A1CF: variants seen among roughly 807,000 people sequenced by gnomAD.
A1CF encodes the protein APOBEC-1 stimulating protein.
In A1CF, 48 loss-of-function variants were observed where a neutral mutation model predicts 68.9. The observed-to-expected ratio is 0.70, with a 90% CI of 0.55 to 0.89. The LOEUF is 0.89. Ranked by LOEUF, A1CF falls within the 40% of genes least tolerant of loss-of-function variation. The probability of loss-of-function intolerance (pLI) is 0.00; values close to 1 mark genes in which losing one functional copy is unlikely to be tolerated. For synonymous variants in A1CF, 272 were observed against 260.4 expected (o/e 1.04, Z -0.43); for missense variants, 653 against 718.9 (o/e 0.91, Z 1.05).
At chr10:50,879,532 C>T (rs993152209) in intron 1 of A1CF, among the ~76,000 whole-genome samples, 1 of 152,044 alleles carries the variant, frequency 6.6e-6, no homozygotes, top group African/African-American at 2.4e-5. Flanking sequence ...CTGGGGAGGC[C>T]TCAGGAAACT....
intron 12 of A1CF, among the ~76,000 whole-genome samples, chr10:50,808,097 G>A (rs955479661): frequency 6.6e-6 from 1 of 152,326 alleles, no homozygotes; most frequent in Middle Eastern, 3.4e-3. Context: ...CTGTGTGAGT[G>A]TGTGCACACA....
At chr10:50,832,058 A>G (rs1454495593) in intron 6 of A1CF, among the ~76,000 whole-genome samples, 1 of 152,204 alleles carries the variant, frequency 6.6e-6, no homozygotes. Context: ...CAATCACCAT[A>G]CTGGGTATGT....
At chr10:50,842,021 A>G in intron 4 of A1CF, 29 bp from the exon 5 acceptor site, 1 of 1,579,668 alleles carries the variant, frequency 6.3e-7, no homozygotes, top group Non-Finnish European at 8.7e-7. Flanking sequence ...GAACATTTAT[A>G]TTTATACGTT....
intron 4 of A1CF, among the ~76,000 whole-genome samples, chr10:50,842,660 C>T (rs529220843): frequency 4.8e-4 from 73 of 152,284 alleles, no homozygotes; most frequent in Non-Finnish European, 9.0e-4. Flanking sequence ...CTAAATTGTC[C>T]TCTGAAATCT....
chr10:50,827,850 C>T (rs377584323), intron 7 of A1CF, among the ~76,000 whole-genome samples: 5 of 151,874 alleles, frequency 3.3e-5, no homozygotes, highest in African/African-American at 9.7e-5. Flanking sequence ...AATCCAGGAG[C>T]TGTTTTTTTT....
At chr10:50,856,422 T>G (rs1197475664) in intron 3 of A1CF, among the ~76,000 whole-genome samples, 1 of 152,108 alleles carries the variant, frequency 6.6e-6, no homozygotes, top group Non-Finnish European at 1.5e-5. Flanking sequence ...TTTGGAACAT[T>G]AAGCTTCTAC....
At chr10:50,884,474 A>G (rs1399134586) in intron 1 of A1CF, among the ~76,000 whole-genome samples, 1 of 152,220 alleles carries the variant, frequency 6.6e-6, no homozygotes, top group East Asian at 1.9e-4. Flanking sequence ...TTTGACAAAT[A>G]AGTGATATCA....
At chr10:50,815,981 T>C in intron 9 of A1CF, 25 bp downstream of exon 9, 2 of 1,609,854 alleles carry the variant, frequency 1.2e-6, no homozygotes, top group Non-Finnish European at 1.7e-6. Context: ...GGGATTACTC[T>C]AAAGCAAGAT....
At chr10:50,833,718 G>T (rs1322510767) in intron 6 of A1CF, among the ~76,000 whole-genome samples, 2 of 152,188 alleles carry the variant, frequency 1.3e-5, no homozygotes, top group African/African-American at 4.8e-5. Context: ...CTGCAATGGG[G>T]TAACAGGTAG....
intron 1 of A1CF, among the ~76,000 whole-genome samples, chr10:50,880,198 G>A (rs1841705778): frequency 6.6e-6 from 1 of 152,166 alleles, no homozygotes; most frequent in Non-Finnish European, 1.5e-5. Flanking sequence ...GCTTCCCAGT[G>A]TTCCATTTGT....
At chr10:50,864,721 C>T (rs997823728) in intron 1 of A1CF, among the ~76,000 whole-genome samples, 60 of 152,172 alleles carry the variant, frequency 3.9e-4, no homozygotes, top group Admixed American at 1.1e-3. Flanking sequence ...CAGGTTCAAG[C>T]GATTCTCCTG....
In A1CF at chr10:50,813,956, G is replaced by T; in HGVS notation, c.1224C>A (p.Asp408Glu). 6.2e-7 allele frequency: 1 copy of T among 1,613,872 alleles called. No homozygotes were observed. Among genetic ancestry groups the T allele is most frequent in the Non-Finnish European group, 8.5e-7 (1 of 1,179,868 alleles). Reference protein sequence around the residue: ...GLGRGYQVKGDKREDKLYDIL... With the variant: ...GLGRGYQVKGEKREDKLYDIL... The stretch of plus-strand genomic sequence containing the variant: ...TGTCATAGAGTTTGTCTTCTCTTTT[G>T]TCTCCTTTGACCTGGTATCCTCGAC... Residue 408 changes from aspartate to glutamate, a missense_variant, in exon 10 of 13, where the codon GAC (aspartate) becomes GAA (glutamate). Physicochemically the swap from Asp to Glu is conservative, Grantham distance 45. Coordinates refer to ENST00000373997, the MANE Select transcript of A1CF (RefSeq NM_014576.4).
intron 3 of A1CF, among the ~76,000 whole-genome samples, chr10:50,859,582 C>T (rs550025313): frequency 6.6e-5 from 10 of 152,258 alleles, no homozygotes; most frequent in South Asian, 2.1e-4. Context: ...TTCTAGCTGC[C>T]TTTTTGGGAT....
intron 3 of A1CF, among the ~76,000 whole-genome samples, chr10:50,857,563 T>C (rs1840542973): frequency 6.6e-6 from 1 of 152,106 alleles, no homozygotes; most frequent in Non-Finnish European, 1.5e-5. Context: ...GACTCTTAGT[T>C]CCCCCTAAGT....
intron 7 of A1CF, chr10:50,823,901 A>G (rs982365644): frequency 6.6e-6 from 1 of 152,160 alleles, no homozygotes; most frequent in African/African-American, 2.4e-5. Context: ...TAAACTTTAA[A>G]TGGAATTTTT....
chr10:50,850,830 C>T (rs1273322972), intron 3 of A1CF: 2 of 1,591,808 alleles, frequency 1.3e-6, no homozygotes, highest in African/African-American at 2.7e-5. Context: ...AATTAGGTGA[C>T]AGCTTTAGTC....
intron 6 of A1CF, among the ~76,000 whole-genome samples, chr10:50,835,071 T>C (rs919525075): frequency 6.6e-6 from 1 of 152,140 alleles, no homozygotes; most frequent in African/African-American, 2.4e-5. Context: ...GGGAAGAAGT[T>C]GTGAATGAAA....
intron 1 of A1CF, among the ~76,000 whole-genome samples, chr10:50,878,592 C>G (rs1841626709): frequency 6.6e-6 from 1 of 152,130 alleles, no homozygotes. Context: ...CAGGTCAGAG[C>G]TTTGGATCAT....
At chr10:50,878,257 C>T (rs1841608019) in intron 1 of A1CF, among the ~76,000 whole-genome samples, 2 of 152,206 alleles carry the variant, frequency 1.3e-5, no homozygotes, top group African/African-American at 2.4e-5. Flanking sequence ...AAGCACTGTA[C>T]ATTTTTACCT....
Sources: gnomAD v4.1 joint callset for allele counts (sites outside exome capture counted in the v4.1 genomes callset) on GRCh38, gnomAD v4.1.1 for gene constraint, MANE v1.5 for transcripts, NCBI Gene and HGNC (gene_info 2026-07-23, HGNC 2026-07-21) for gene names.